HEY2: variants seen among roughly 807,000 people sequenced by gnomAD.
The protein encoded by HEY2 is hairy/enhancer-of-split related with YRPW motif protein 2.
A neutral mutation model predicts 18.1 loss-of-function variants in HEY2; 10 were observed. The ratio of observed to expected loss-of-function variants is 0.55; its 90% CI spans 0.34 to 0.94. HEY2 has a LOEUF of 0.94. Among genes scored for constraint, HEY2 ranks in the 40% least tolerant of loss-of-function variants. The probability of loss-of-function intolerance (pLI) is 0.02; values close to 1 mark genes in which losing one functional copy is unlikely to be tolerated. For synonymous variants in HEY2, 210 were observed against 182.7 expected (o/e 1.15, Z -1.21); for missense variants, 455 against 455.9 (o/e 1.00, Z 0.02).
rs912427280 is a variant in HEY2 at position 125,759,897 on chromosome 6, G to A, written c.*95G>A. 7 of 933,218 alleles carry A rather than the reference G, an allele frequency of 7.5e-6. No homozygotes were observed. The African/African-American group carries it at 8.3e-5, about 11-fold the overall frequency. The allele number at this position is 933,218 out of a possible 1,614,324, so 57.8% of individuals were successfully genotyped here. ...CCCTGAAGGTAGCCATACAGATGCC[G>A]ACAGATCCACAAAGGAACAATAAAG... On this transcript the variant is annotated 3_prime_UTR_variant, in exon 5 of 5. Coordinates refer to ENST00000368364, the MANE Select transcript of HEY2 (RefSeq NM_012259.3).
Position 125,749,928 on chromosome 6 carries a change from C to G in HEY2, c.83+69C>G, listed in dbSNP as rs536859935. 4 of 1,237,880 alleles carry G rather than the reference C, an allele frequency of 3.2e-6. No homozygotes were observed. The African/African-American group carries it at 6.0e-5, about 19-fold the overall frequency. The allele number at this position is 1,237,880 out of a possible 1,614,324, so 76.7% of individuals were successfully genotyped here. A position where few individuals can be genotyped will look rare whatever the true frequency, so the allele number is the denominator to read the frequency against. Reference sequence around the variant, plus strand: ...GGGGTAGCTTTGTGAATGCGTGGCTCCCTGGAAATCCCGAGGCTGGTCTCC... The same window carrying G: ...GGGGTAGCTTTGTGAATGCGTGGCTGCCTGGAAATCCCGAGGCTGGTCTCC... On this transcript the variant is annotated intron_variant, in intron 1 of 4. Coordinates refer to ENST00000368364, the MANE Select transcript of HEY2 (RefSeq NM_012259.3).
At chr6:125,752,113 T>TGCCCC in intron 3 of HEY2, 23 bp downstream of exon 3, 1 of 1,258,252 alleles carries the variant, frequency 7.9e-7, no homozygotes, top group Non-Finnish European at 1.1e-6. Context: ...CTCCCCAGAA[T>TGCCCC]CCCCCCACCC....
Position 125,760,259 on chromosome 6 carries a change from A to G in HEY2, c.*457A>G. 1 of 162,278 alleles carries G rather than the reference A, an allele frequency of 6.2e-6. No individual in the cohort carries two copies. Among genetic ancestry groups the G allele is most frequent in the Non-Finnish European group, 1.4e-5 (1 of 73,650 alleles). The allele number at this position is 162,278 out of a possible 1,614,324, so 10.1% of individuals were successfully genotyped here. On this transcript the variant is annotated 3_prime_UTR_variant, in exon 5 of 5. Coordinates refer to ENST00000368364, the MANE Select transcript of HEY2 (RefSeq NM_012259.3). ...ATATAACATTGCACAAGGGAAGACG[A>G]GTGTGGAGGATAGGTTAAGAAAGGA...
rs1242037391 is a variant in HEY2, at chr6:125,759,577, C to A, written c.789C>A (p.Thr263=). The part of the protein sequence containing the change: ...LSTSLLSLSA[T]VHAAAAAATA... Reference sequence around the variant, plus strand: ...CCTCTCTCTTGTCCCTCTCTGCCACCGTCCACGCCGCAGCCGCAGCAGCCA... The same window carrying A: ...CCTCTCTCTTGTCCCTCTCTGCCACAGTCCACGCCGCAGCCGCAGCAGCCA... The change falls in exon 5 of 5, where the codon ACC becomes ACA. Residue 263 remains threonine (T), a synonymous_variant. Transcript: ENST00000368364. 1.2e-6 allele frequency: 2 copies of A among 1,610,600 alleles called. No individual in the cohort carries two copies. The highest frequency in any genetic ancestry group is 1.7e-6 in the Non-Finnish European group (2 of 1,179,810).
Position 125,761,066 on chromosome 6 carries a change from G to A in HEY2, c.*1264G>A, listed in dbSNP as rs1262630433. On this transcript the variant is annotated 3_prime_UTR_variant, in exon 5 of 5. Transcript: ENST00000368364. ...GAGAGTTTTTGTTTAAAAGATAAGAGACACAGCATGTATTATGCACTTCAT... is the reference window on the plus strand; with the variant it reads ...GAGAGTTTTTGTTTAAAAGATAAGAAACACAGCATGTATTATGCACTTCAT... 1 of 152,618 alleles carries A rather than the reference G, an allele frequency of 6.6e-6. No homozygotes were observed. The highest frequency in any genetic ancestry group is 1.5e-5 in the Non-Finnish European group (1 of 68,038). The allele number at this position is 152,618 out of a possible 1,614,324, so 9.5% of individuals were successfully genotyped here.
intron 3 of HEY2, 64 bp downstream of exon 3, chr6:125,752,154 C>T: frequency 1.3e-6 from 1 of 751,470 alleles, no homozygotes; most frequent in Non-Finnish European, 2.0e-6. Flanking sequence ...AAAGCTCAAA[C>T]ACAATCTGAT....
intron 1 of HEY2, 45 bp from the exon 2 acceptor site, chr6:125,751,756 T>C (rs758599594): frequency 2.3e-6 from 3 of 1,283,214 alleles, no homozygotes; most frequent in Non-Finnish European, 1.1e-6. Context: ...GAAGAAACTA[T>C]TGTTATGTTA....
Position 125,759,491 on chromosome 6 carries a change from G to T in HEY2, c.703G>T (p.Asp235Tyr). 6.2e-7 allele frequency: 1 copy of T among 1,611,404 alleles called. No individual in the cohort carries two copies. The highest frequency in any genetic ancestry group is 1.1e-5 in the South Asian group (1 of 91,090). The change falls in exon 5 of 5, where the codon GAT (aspartate) becomes TAT (tyrosine). Residue 235 changes from aspartate (D) to tyrosine (Y), a missense_variant. Transcript: ENST00000368364. ...ALLTATFAHADSALRMPSTGS... is the reference protein window; with the variant it reads ...ALLTATFAHAYSALRMPSTGS... ...CCTCACGGCCACGTTTGCCCATGCGGATTCAGCCCTCCGAATGCCATCCAC... is the reference window on the plus strand; with the variant it reads ...CCTCACGGCCACGTTTGCCCATGCGTATTCAGCCCTCCGAATGCCATCCAC...
At chr6:125,757,010 A>G (rs889862118) in intron 4 of HEY2, among the ~76,000 whole-genome samples, 1 of 152,238 alleles carries the variant, frequency 6.6e-6, no homozygotes, top group Non-Finnish European at 1.5e-5. Flanking sequence ...GAGCTCAGCC[A>G]TATATGACAA....
intron 4 of HEY2, among the ~76,000 whole-genome samples, chr6:125,758,519 G>A (rs898838290): frequency 6.6e-6 from 1 of 152,088 alleles, no homozygotes; most frequent in African/African-American, 2.4e-5. Context: ...TTTATACAAA[G>A]TTATGACAAG....
rs1394136636 is a variant in HEY2, at chr6:125,749,662, C to G, written c.-115C>G. ...AGCCGCTAGGAGCAGACCGCGCCGC[C>G]GCCGGAGCCGCGCCTGCCCAGGCCC... On this transcript the variant is annotated 5_prime_UTR_variant, in exon 1 of 5. Transcript: ENST00000368364. 9.8e-6 allele frequency: 6 copies of G among 612,120 alleles called. No homozygotes were observed. Among genetic ancestry groups the G allele is most frequent in the African/African-American group, 7.9e-5 (4 of 50,808 alleles). 37.9% of individuals were successfully genotyped at this position (612,120 alleles called of 1,614,324 possible).
In HEY2 at chr6:125,761,046, T is replaced by G. The variant is rs528379150; in HGVS notation, c.*1244T>G. On this transcript the variant is annotated 3_prime_UTR_variant, in exon 5 of 5. Transcript: ENST00000368364. ...TATGCTGAAATCAAGCACGTGAGAG[T>G]TTTTGTTTAAAAGATAAGAGACACA... 1 of 152,710 alleles carries G rather than the reference T, an allele frequency of 6.5e-6. No homozygotes were observed. 9.5% of individuals were successfully genotyped at this position (152,710 alleles called of 1,614,324 possible).
chr6:125,754,844 G>A lies in HEY2; in HGVS notation c.328+298G>A, dbSNP rs561590547. Among the ~76,000 whole-genome samples, 24 of 152,222 alleles carry A rather than the reference G, an allele frequency of 1.6e-4. No homozygotes were observed. The South Asian group carries it at 5.0e-3, about 32-fold the overall frequency. On this transcript the variant is annotated intron_variant, in intron 4 of 4. Transcript: ENST00000368364. The stretch of plus-strand genomic sequence containing the variant: ...GAGATTTGTTTAGGACTTAAGAAGC[G>A]CATGCTGGAATCTGTACAGAAAGAA...
chr6:125,750,147 G>A lies in HEY2; in HGVS notation c.83+288G>A, dbSNP rs1324671229. 4.5e-6 allele frequency: 3 copies of A among 667,544 alleles called. No homozygotes were observed. In the Admixed American group the frequency reaches 1.9e-4, roughly 42 times the overall value. The allele number at this position is 667,544 out of a possible 1,614,324, so 41.4% of individuals were successfully genotyped here. On this transcript the variant is annotated intron_variant, in intron 1 of 4. Transcript: ENST00000368364. ...GGTCCTGGCTGTCACAGTTGGACGC[G>A]CGAACGGCAGCGTCTGGGCGACAGG...
chr6:125,752,680 AC>A (rs1773577832), intron 3 of HEY2, among the ~76,000 whole-genome samples: 1 of 152,170 alleles, frequency 6.6e-6, no homozygotes, highest in African/African-American at 2.4e-5. Flanking sequence ...TTTCATAGTT[AC>A]CTATTCCTTT....
rs1773491543 is a variant in HEY2, at chr6:125,749,649, C to G, written c.-128C>G. The G allele has an allele frequency of 1.8e-6, 1 of 540,746 alleles. No individual in the cohort carries two copies. 33.5% of individuals were successfully genotyped at this position (540,746 alleles called of 1,614,324 possible). On this transcript the variant is annotated 5_prime_UTR_variant, in exon 1 of 5. Coordinates refer to ENST00000368364, the MANE Select transcript of HEY2 (RefSeq NM_012259.3). Reference sequence around the variant, plus strand: ...CGGCGTGGGAAAGAGCCGCTAGGAGCAGACCGCGCCGCCGCCGGAGCCGCG... The same window carrying G: ...CGGCGTGGGAAAGAGCCGCTAGGAGGAGACCGCGCCGCCGCCGGAGCCGCG...
At chr6:125,755,551 A>T (rs1773638252) in intron 4 of HEY2, among the ~76,000 whole-genome samples, 1 of 152,300 alleles carries the variant, frequency 6.6e-6, no homozygotes, top group Non-Finnish European at 1.5e-5. Flanking sequence ...GAGGCAGGAC[A>T]TTGGAGGGAA....
At chr6:125,755,514 A>G (rs1023050936) in intron 4 of HEY2, among the ~76,000 whole-genome samples, 3 of 152,142 alleles carry the variant, frequency 2.0e-5, no homozygotes, top group African/African-American at 7.2e-5. Flanking sequence ...CTTTTACTAC[A>G]CTGTATACGG....
In HEY2 at chr6:125,751,883, T is replaced by C; in HGVS notation, c.162+4T>C. The C allele has an allele frequency of 6.2e-7, 1 of 1,609,008 alleles. No individual in the cohort carries two copies. Among genetic ancestry groups the C allele is most frequent in the South Asian group, 1.1e-5 (1 of 90,888 alleles). On this transcript the variant is annotated splice_donor_region_variant and intron_variant, in intron 2 of 4. Transcript: ENST00000368364. ...GGCAAGAAAGAAAAGGAGAGGGGTA[T>C]GTGATTTTTCCCCCTTTTTATTTCA...
Sources: allele counts gnomAD v4.1 joint callset (sites outside exome capture counted in the v4.1 genomes callset), GRCh38; gene constraint gnomAD v4.1.1; transcripts MANE v1.5; gene names NCBI Gene and HGNC (gene_info 2026-07-23, HGNC 2026-07-21).